Variants in WDR4 observed in about 807,000 individuals in gnomAD.
WDR4 encodes the protein WDR4 tRNA N7-guanosine methyltransferase non-catalytic subunit.
WDR4 carries 47 observed loss-of-function variants against 48.6 expected under a neutral mutation model. That is an observed-to-expected ratio of 0.97 (90% confidence interval 0.77 to 1.23). The LOEUF is 1.23. WDR4 is among the 50% of genes most tolerant of loss of function. The pLI, the probability that WDR4 is intolerant of heterozygous loss-of-function variation, is 0.00. For missense variants in WDR4, 606 were observed against 551.6 expected (o/e 1.10, Z -0.99); for synonymous variants, 268 against 230.0 (o/e 1.17, Z -1.49).
chr21:42,850,752 A>G (rs570156389), intron 10 of WDR4, among the ~76,000 whole-genome samples: 2 of 152,304 alleles, frequency 1.3e-5, no homozygotes, highest in African/African-American at 4.8e-5. Context: ...ACAGTGAGAC[A>G]GTAAGGGTGG....
At chr21:42,851,051 C>T (rs973363449) in intron 10 of WDR4, among the ~76,000 whole-genome samples, 2 of 152,218 alleles carry the variant, frequency 1.3e-5, no homozygotes, top group African/African-American at 2.4e-5. Flanking sequence ...CCTCTCCCAA[C>T]GCAGGCCCCC....
chr21:42,880,997 C>G (rs1444582296), upstream of WDR4, among the ~76,000 whole-genome samples: 1 of 151,828 alleles, frequency 6.6e-6, no homozygotes, highest in Non-Finnish European at 1.5e-5. Context: ...CCTCCACCTC[C>G]CGAGTTCACG....
the WDR4 span, among the ~76,000 whole-genome samples, chr21:42,891,613 G>C: frequency 6.6e-6 from 1 of 152,082 alleles, no homozygotes; most frequent in Admixed American, 6.6e-5. Context: ...CCTCACAAAG[G>C]CGAGCATGAC....
At chr21:42,867,181 A>G (rs954025520) in intron 3 of WDR4, among the ~76,000 whole-genome samples, 2 of 152,218 alleles carry the variant, frequency 1.3e-5, no homozygotes, top group Non-Finnish European at 1.5e-5. Flanking sequence ...ACCTGAGGTC[A>G]GGAGTTCAAG....
At chr21:42,888,173 C>T in the WDR4 span, among the ~76,000 whole-genome samples, 1 of 152,030 alleles carries the variant, frequency 6.6e-6, no homozygotes, top group African/African-American at 2.4e-5. Context: ...TAAGTGGACC[C>T]ACATAGCTCA....
At chr21:42,847,909 TGAGA>T (rs1332339274), downstream of WDR4, among the ~76,000 whole-genome samples, 1 of 152,100 alleles carries the variant, frequency 6.6e-6, no homozygotes, top group Non-Finnish European at 1.5e-5. Context: ...AGACTATGAA[TGAGA>T]AAGCATGCCC....
Position 42,870,012 on chromosome 21 carries a change from T to C in WDR4, c.296+3539A>G, listed in dbSNP as rs1235421620. Reference sequence around the variant, plus strand: ...TGGGCAACAACAGCGAAACTCCATCTCAAAAAAAAAAAAAAATGCTGACCA... The same window carrying C: ...TGGGCAACAACAGCGAAACTCCATCCCAAAAAAAAAAAAAAATGCTGACCA... On this transcript the variant is annotated intron_variant, in intron 3 of 10. Coordinates refer to ENST00000398208, the MANE Select transcript of WDR4 (RefSeq NM_018669.6). 5.0e-5 allele frequency among the ~76,000 whole-genome samples: 5 copies of C among 100,480 alleles called. No homozygotes were observed. In the East Asian group the frequency reaches 1.4e-3, roughly 28 times the overall value. The allele number at this position is 100,480 out of a possible 152,430, so 65.9% of individuals were successfully genotyped here. A position where few individuals can be genotyped will look rare whatever the true frequency, so the allele number is the denominator to read the frequency against.
At chr21:42,865,735 A>G (rs1429874133) in intron 3 of WDR4, among the ~76,000 whole-genome samples, 3 of 151,586 alleles carry the variant, frequency 2.0e-5, no homozygotes, top group Non-Finnish European at 2.9e-5. Flanking sequence ...TCCAACCCCC[A>G]GCCTGTGCAG....
Position 42,876,732 on chromosome 21 carries a change from G to C in WDR4, c.125C>G (p.Ala42Gly). 1.2e-6 allele frequency: 2 copies of C among 1,613,526 alleles called. No homozygotes were observed. Among genetic ancestry groups the C allele is most frequent in the Non-Finnish European group, 1.7e-6 (2 of 1,179,790 alleles). Residue 42 changes from alanine (A) to glycine (G), a missense_variant, in exon 2 of 11, where the codon GCT (alanine) becomes GGT (glycine). Transcript: ENST00000398208. Reference protein sequence around the residue: ...DDSLFIYDCSAAEKKSQENKG... With the variant: ...DDSLFIYDCSGAEKKSQENKG... ...ATTTTCTTGTGACTTCTTTTCTGCAGCACTGCAGTCATAGATGAAGAGGCT... is the reference window on the plus strand; with the variant it reads ...ATTTTCTTGTGACTTCTTTTCTGCACCACTGCAGTCATAGATGAAGAGGCT...
At chr21:42,879,602 A>C, upstream of WDR4, 5 of 1,355,426 alleles carry the variant, frequency 3.7e-6, no homozygotes, top group Non-Finnish European at 5.1e-6. Flanking sequence ...CGTATACCCC[A>C]CGTACCGCGC....
intron 10 of WDR4, among the ~76,000 whole-genome samples, chr21:42,851,783 T>C (rs2057834953): frequency 6.6e-6 from 1 of 152,148 alleles, no homozygotes; most frequent in South Asian, 2.1e-4. Flanking sequence ...GTCAGGACAG[T>C]GACCATCCTG....
upstream of WDR4, among the ~76,000 whole-genome samples, chr21:42,883,367 G>A (rs1471279713): frequency 6.9e-6 from 1 of 144,526 alleles, no homozygotes; most frequent in Non-Finnish European, 1.5e-5. Flanking sequence ...TTGTCTTATG[G>A]TCCTTCAGTT....
the WDR4 span, among the ~76,000 whole-genome samples, chr21:42,892,132 T>C: frequency 6.6e-6 from 1 of 151,466 alleles, no homozygotes; most frequent in Non-Finnish European, 1.5e-5. Flanking sequence ...CGGGTGCCTG[T>C]AGTCCCAGCT....
At chr21:42,854,179 C>A (rs1389474984) in intron 8 of WDR4, among the ~76,000 whole-genome samples, 1 of 152,246 alleles carries the variant, frequency 6.6e-6, no homozygotes, top group Non-Finnish European at 1.5e-5. Context: ...AGCAGCAGAA[C>A]TGCACTCCAC....
At chr21:42,891,950 CTG>C in the WDR4 span, among the ~76,000 whole-genome samples, 1 of 149,728 alleles carries the variant, frequency 6.7e-6, no homozygotes, top group Non-Finnish European at 1.5e-5. Flanking sequence ...GAGCAAGACT[CTG>C]TCTCAAAAAA....
intron 3 of WDR4, among the ~76,000 whole-genome samples, chr21:42,864,572 C>T (rs954839419): frequency 1.3e-5 from 2 of 152,162 alleles, no homozygotes; most frequent in Admixed American, 1.3e-4. Flanking sequence ...GTGTGAGAGG[C>T]CTGCGCTCCC....
chr21:42,859,603 C>CCCCCCCAA, intron 6 of WDR4, 59 bp downstream of exon 6: 1 of 586,302 alleles, frequency 1.7e-6, no homozygotes, highest in Non-Finnish European at 2.8e-6. Context: ...AGGCGCCCAC[C>CCCCCCCAA]CCACCCTCCC....
intron 10 of WDR4, among the ~76,000 whole-genome samples, chr21:42,850,986 C>A (rs962909766): frequency 2.0e-5 from 3 of 152,202 alleles, no homozygotes; most frequent in Admixed American, 1.3e-4. Flanking sequence ...AGCCTCCCCG[C>A]CCCTCCAGCG....
chr21:42,878,178 C>T (rs1317976412), intron 1 of WDR4, among the ~76,000 whole-genome samples: 1 of 152,144 alleles, frequency 6.6e-6, no homozygotes, highest in Admixed American at 6.5e-5. Flanking sequence ...CCCATGACCC[C>T]AGGCACTTAC....
Sources: gnomAD v4.1 joint callset for allele counts (sites outside exome capture counted in the v4.1 genomes callset) on GRCh38, gnomAD v4.1.1 for gene constraint, MANE v1.5 for transcripts, NCBI Gene and HGNC (gene_info 2026-07-23, HGNC 2026-07-21) for gene names.